Variants in SCML4 observed in about 807,000 individuals in gnomAD.
SCML4 encodes Scm polycomb group protein like 4.
Under a neutral mutation model 41.1 loss-of-function variants are expected in SCML4, and 34 were observed. The ratio of observed to expected loss-of-function variants is 0.83; its 90% CI spans 0.63 to 1.10. The LOEUF is 1.10. Among genes scored for constraint, SCML4 ranks in the 50% least tolerant of loss-of-function variants. The pLI, the probability that SCML4 is intolerant of heterozygous loss-of-function variation, is 0.00. For synonymous variants in SCML4, 214 were observed against 220.9 expected (o/e 0.97, Z 0.28); for missense variants, 522 against 534.1 (o/e 0.98, Z 0.22).
intron 1 of SCML4, among the ~76,000 whole-genome samples, chr6:107,806,194 C>CA (rs368135958): frequency 1.1e-3 from 24 of 20,870 alleles, no homozygotes; most frequent in Non-Finnish European, 6.4e-3. Context: ...TTTCCCCCCC[C>CA]CCAATAAACA....
chr6:107,800,530 T>C (rs1729380059), intron 1 of SCML4, among the ~76,000 whole-genome samples: 1 of 152,258 alleles, frequency 6.6e-6, no homozygotes, highest in Non-Finnish European at 1.5e-5. Flanking sequence ...GATTTTTATC[T>C]ACCTATTAGC....
At chr6:107,817,158 T>C (rs1036544866) in intron 1 of SCML4, among the ~76,000 whole-genome samples, 2 of 152,158 alleles carry the variant, frequency 1.3e-5, no homozygotes, top group African/African-American at 4.8e-5. Flanking sequence ...AACAATGACC[T>C]AGCCTGTACC....
chr6:107,740,141 G>A (rs1267008779), intron 5 of SCML4: 1 of 471,048 alleles, frequency 2.1e-6, no homozygotes, highest in Admixed American at 2.3e-5. Flanking sequence ...TTTTAGGAAG[G>A]AAGGCTGTCA....
At chr6:107,786,685 T>C (rs2114605669) in intron 1 of SCML4, among the ~76,000 whole-genome samples, 1 of 152,328 alleles carries the variant, frequency 6.6e-6, no homozygotes, top group Admixed American at 6.5e-5. Context: ...AACAAATGAA[T>C]GGACGATCAG....
chr6:107,713,557 T>C (rs1046223331), intron 6 of SCML4, among the ~76,000 whole-genome samples: 4 of 152,208 alleles, frequency 2.6e-5, no homozygotes, highest in Admixed American at 2.6e-4. Context: ...CGGACCTCAT[T>C]GTCTTCATCT....
At chr6:107,834,765 G>A in the SCML4 span, among the ~76,000 whole-genome samples, 1 of 151,952 alleles carries the variant, frequency 6.6e-6, no homozygotes, top group Non-Finnish European at 1.5e-5. Flanking sequence ...AGGCAACATG[G>A]TGAAATCTGT....
In SCML4 at chr6:107,772,333, C is replaced by T. The variant is rs978417972; in HGVS notation, c.-6G>A. 2 of 1,548,680 alleles carry T rather than the reference C, an allele frequency of 1.3e-6. No homozygotes were observed. Among genetic ancestry groups the T allele is most frequent in the Middle Eastern group, 1.7e-4 (1 of 5,926 alleles). On this transcript the variant is annotated 5_prime_UTR_variant, in exon 2 of 8. Transcript: ENST00000369020. Reference sequence around the variant, plus strand: ...GGGATCCTTTGAGACTGCATTTCTGCTGGTGCCAGTCTTACAGAATGAGGT... The same window carrying T: ...GGGATCCTTTGAGACTGCATTTCTGTTGGTGCCAGTCTTACAGAATGAGGT...
chr6:107,803,164 C>T (rs1448246067), intron 1 of SCML4, among the ~76,000 whole-genome samples: 1 of 150,638 alleles, frequency 6.6e-6, no homozygotes, highest in Non-Finnish European at 1.5e-5. Flanking sequence ...CCGGCCGCCA[C>T]CCCATCTGGG....
chr6:107,752,484 C>G (rs1778776000), intron 2 of SCML4, among the ~76,000 whole-genome samples: 1 of 151,972 alleles, frequency 6.6e-6, no homozygotes, highest in Non-Finnish European at 1.5e-5. Context: ...GATCCAAACA[C>G]TGAGCCCTGC....
chr6:107,773,357 T>C (rs1417831015), intron 1 of SCML4, among the ~76,000 whole-genome samples: 5 of 152,068 alleles, frequency 3.3e-5, no homozygotes, highest in East Asian at 3.9e-4. Flanking sequence ...TTTGGGAAGC[T>C]GAGGCTGCTG....
At chr6:107,726,262 G>C (rs1256611955) in intron 5 of SCML4, among the ~76,000 whole-genome samples, 1 of 151,930 alleles carries the variant, frequency 6.6e-6, no homozygotes, top group African/African-American at 2.4e-5. Flanking sequence ...GGCTGGGCGC[G>C]GTGGCTCACG....
At chr6:107,799,626 T>A (rs932132349) in intron 1 of SCML4, among the ~76,000 whole-genome samples, 2 of 152,164 alleles carry the variant, frequency 1.3e-5, no homozygotes, top group Non-Finnish European at 2.9e-5. Flanking sequence ...TTTGTCCTTT[T>A]TTCTCTTTTC....
rs1177336984 is a variant in SCML4, at chr6:107,749,567, A to C, written c.286+117T>G. On this transcript the variant is annotated intron_variant, in intron 3 of 7. Coordinates refer to ENST00000369020, the MANE Select transcript of SCML4 (RefSeq NM_198081.5). ...GTCTGCTGCCTAGCTAGCACACTAA[A>C]TCGCTCATTTGAGCCATCTCAGCAA... The C allele has an allele frequency of 9.0e-6, 11 of 1,217,416 alleles. No individual in the cohort carries two copies. The African/African-American group carries it at 1.7e-4, about 19-fold the overall frequency. 75.4% of individuals were successfully genotyped at this position (1,217,416 alleles called of 1,614,324 possible). A position where few individuals can be genotyped will look rare whatever the true frequency, so the allele number is the denominator to read the frequency against.
rs1775421836 is a variant in SCML4, at chr6:107,721,583, C to CA, written c.683-591dup. ...CTTTCTTCTGCAGTGGCTCTGCCCT[C>CA]ACAGTCTCTGCTGGCTTCTCAGAAT... On this transcript the variant is annotated intron_variant, in intron 5 of 7. Coordinates refer to ENST00000369020, the MANE Select transcript of SCML4 (RefSeq NM_198081.5). 2.6e-5 allele frequency among the ~76,000 whole-genome samples: 4 copies of CA among 152,216 alleles called. No homozygotes were observed. The South Asian group carries it at 8.3e-4, about 32-fold the overall frequency.
intron 3 of SCML4, 58 bp downstream of exon 3, chr6:107,749,626 G>A (rs2114506375): frequency 6.3e-7 from 1 of 1,585,952 alleles, no homozygotes; most frequent in Non-Finnish European, 8.6e-7. Context: ...CAATTAGATG[G>A]TAGCTGCCCT....
At chr6:107,824,460 CTCTGTGTGTGTGTGTGTGTGTG>C (rs1785165744), upstream of SCML4, 1 of 120,142 alleles carries the variant, frequency 8.3e-6, no homozygotes, top group Non-Finnish European at 1.7e-5. Context: ...AAAACGAGGC[CTCTGTGTGTGTGTGTGTGTGTG>C]TGTGTGTGTG....
rs184839300 is a variant in SCML4 at position 107,726,731 on chromosome 6, G to A, written c.683-5738C>T. ...TCACCACTTCACACCCACTAGGAAGGTGATAATCAAAGAGTCAGATAACAA... is the reference window on the plus strand; with the variant it reads ...TCACCACTTCACACCCACTAGGAAGATGATAATCAAAGAGTCAGATAACAA... On this transcript the variant is annotated intron_variant, in intron 5 of 7. Transcript: ENST00000369020. 2.9e-3 allele frequency among the ~76,000 whole-genome samples: 445 copies of A among 152,200 alleles called. 1 individual carries two copies. The highest frequency in any genetic ancestry group is 0.01 in the African/African-American group (420 of 41,526).
At chr6:107,741,198 C>T (rs1019757630) in intron 5 of SCML4, among the ~76,000 whole-genome samples, 8 of 152,078 alleles carry the variant, frequency 5.3e-5, no homozygotes, top group African/African-American at 1.9e-4. Flanking sequence ...CCAGAAATAT[C>T]CCAGAACTCA....
At chr6:107,832,752 G>C in the SCML4 span, among the ~76,000 whole-genome samples, 1 of 152,214 alleles carries the variant, frequency 6.6e-6, no homozygotes, top group Admixed American at 6.5e-5. Context: ...CTAGTAGAAG[G>C]TGGGGCAGAG....
Sources: allele counts gnomAD v4.1 joint callset (sites outside exome capture counted in the v4.1 genomes callset), GRCh38; gene constraint gnomAD v4.1.1; transcripts MANE v1.5; gene names NCBI Gene and HGNC (gene_info 2026-07-23, HGNC 2026-07-21).